HVCN1: variants seen among roughly 807,000 people sequenced by gnomAD.
HVCN1 encodes hydrogen voltage gated channel 1, also known as voltage-gated hydrogen channel 1.
A neutral mutation model predicts 29.2 loss-of-function variants in HVCN1; 14 were observed. The observed-to-expected ratio is 0.48, with a 90% CI of 0.32 to 0.75. HVCN1 has a LOEUF of 0.75. HVCN1 is among the 30% of genes least tolerant of loss of function. The pLI is 0.04. For missense variants in HVCN1, 263 were observed against 341.8 expected (o/e 0.77, Z 1.82); for synonymous variants, 131 against 133.2 (o/e 0.98, Z 0.11).
chr12:110,670,226 G>A (rs2068526949), intron 3 of HVCN1, among the ~76,000 whole-genome samples: 1 of 152,134 alleles, frequency 6.6e-6, no homozygotes, highest in Non-Finnish European at 1.5e-5. Context: ...ATTTTTACAG[G>A]CTCAGAAGCC....
Position 110,683,277 on chromosome 12 carries a change from A to C in HVCN1, c.-19-13T>G. On this transcript the variant is annotated splice_polypyrimidine_tract_variant and intron_variant, in intron 2 of 7. Transcript: ENST00000242607. ...GTTGCCTCTGGATCTGAAAAATAAA[A>C]AGACATTTGTCCAGATCTATCATCT... The C allele has an allele frequency of 6.2e-7, 1 of 1,603,854 alleles. No individual in the cohort carries two copies. The highest frequency in any genetic ancestry group is 8.5e-7 in the Non-Finnish European group (1 of 1,176,420).
chr12:110,661,449 C>T lies in HVCN1; in HGVS notation c.22-1G>A. ...CCACCTTGGCCCTGCGGGTGACTGC[C>T]TAGAAGGCGGGGACAGAGAGCAAGA... On this transcript the variant is annotated splice_acceptor_variant, in intron 3 of 7. Coordinates refer to ENST00000242607, the MANE Select transcript of HVCN1 (RefSeq NM_032369.4). LOFTEE classifies it high-confidence loss of function. This position sits in a 1 kb window ranked among gnomAD's most constrained non-coding sequence, Gnocchi z 6.2. 1 of 1,613,440 alleles carries T rather than the reference C, an allele frequency of 6.2e-7. No homozygotes were observed. The highest frequency in any genetic ancestry group is 2.2e-5 in the East Asian group (1 of 44,880).
In HVCN1 at chr12:110,661,636, A is replaced by G. The variant is rs2136299856; in HGVS notation, c.22-188T>C. 6.6e-6 allele frequency among the ~76,000 whole-genome samples: 1 copy of G among 152,284 alleles called. No individual in the cohort carries two copies. Reference sequence around the variant, plus strand: ...TTTGGAATCCAGGGTCTCAGTGTCTATGAGGCAACAGGAAACTCCTGCCCC... The same window carrying G: ...TTTGGAATCCAGGGTCTCAGTGTCTGTGAGGCAACAGGAAACTCCTGCCCC... On this transcript the variant is annotated intron_variant, in intron 3 of 7. Coordinates refer to ENST00000242607, the MANE Select transcript of HVCN1 (RefSeq NM_032369.4). The surrounding 1 kb of genome is among the most constrained non-coding windows in gnomAD (Gnocchi z 6.2).
upstream of HVCN1, among the ~76,000 whole-genome samples, chr12:110,692,172 A>G (rs146179558): frequency 6.8e-3 from 1,035 of 152,328 alleles, 1 homozygote; most frequent in Non-Finnish European, 9.3e-3. Flanking sequence ...CATCATTGCT[A>G]CTATTCAACA....
Position 110,661,633 on chromosome 12 carries a change from T to G in HVCN1, c.22-185A>C, listed in dbSNP as rs905490720. 6.6e-6 allele frequency among the ~76,000 whole-genome samples: 1 copy of G among 152,150 alleles called. No homozygotes were observed. The highest frequency in any genetic ancestry group is 1.5e-5 in the Non-Finnish European group (1 of 68,038). Reference sequence around the variant, plus strand: ...ATTTTTGGAATCCAGGGTCTCAGTGTCTATGAGGCAACAGGAAACTCCTGC... The same window carrying G: ...ATTTTTGGAATCCAGGGTCTCAGTGGCTATGAGGCAACAGGAAACTCCTGC... On this transcript the variant is annotated intron_variant, in intron 3 of 7. Transcript: ENST00000242607. The surrounding 1 kb of genome is among the most constrained non-coding windows in gnomAD (Gnocchi z 6.2).
chr12:110,697,713 C>T lies in HVCN1; in HGVS notation c.-104+4596G>A, dbSNP rs141978154. On this transcript the variant is annotated intron_variant, in intron 2 of 4. Coordinates refer to the HVCN1 transcript ENST00000546713. ...TCGCCCAGGCTGCAGTGCGGTGGCACGATCTCAGCTCACTGCAACCTCCGT... is the reference window on the plus strand; with the variant it reads ...TCGCCCAGGCTGCAGTGCGGTGGCATGATCTCAGCTCACTGCAACCTCCGT... 6.7e-3 allele frequency among the ~76,000 whole-genome samples: 1,010 copies of T among 150,036 alleles called. 1 individual carries two copies. Among genetic ancestry groups the T allele is most frequent in the Non-Finnish European group, 9.3e-3 (627 of 67,658 alleles).
intron 2 of HVCN1, among the ~76,000 whole-genome samples, chr12:110,700,473 T>A (rs1269552537): frequency 6.6e-6 from 1 of 152,064 alleles, no homozygotes; most frequent in African/African-American, 2.4e-5. Flanking sequence ...AGAGTGAGTA[T>A]CTTTTGAAGA....
intron 3 of HVCN1, among the ~76,000 whole-genome samples, chr12:110,673,708 G>A (rs2068656397): frequency 6.6e-6 from 1 of 152,222 alleles, no homozygotes; most frequent in Non-Finnish European, 1.5e-5. Context: ...TTCAGAGGGT[G>A]GAAGCCCCAA....
intron 5 of HVCN1, among the ~76,000 whole-genome samples, chr12:110,652,336 A>T (rs1329521037): frequency 1.3e-5 from 2 of 152,212 alleles, no homozygotes; most frequent in Admixed American, 6.5e-5. Flanking sequence ...GGTTGCAGTG[A>T]GCCGAGATTG....
At chr12:110,677,672 C>T (rs1456159872) in intron 3 of HVCN1, among the ~76,000 whole-genome samples, 4 of 152,182 alleles carry the variant, frequency 2.6e-5, no homozygotes, top group Admixed American at 6.5e-5. Flanking sequence ...CCAGGGGATC[C>T]GTGTTCTGAG....
At chr12:110,650,066 A>G in intron 7 of HVCN1, 102 bp downstream of exon 7, 2 of 730,896 alleles carry the variant, frequency 2.7e-6, no homozygotes, top group Non-Finnish European at 2.5e-6. Flanking sequence ...GCTGGTCTCG[A>G]ACTCCGGACC....
chr12:110,695,031 C>T (rs1181963653), intron 2 of HVCN1, among the ~76,000 whole-genome samples: 1 of 152,214 alleles, frequency 6.6e-6, no homozygotes, highest in African/African-American at 2.4e-5. Flanking sequence ...TTGAGTAAGA[C>T]AGGCAGGTCC....
At position 110,661,466 on chromosome 12, in the gene HVCN1, A is replaced by C. The variant is rs1255973485; in HGVS notation, c.22-18T>G. The C allele has an allele frequency of 1.9e-6, 3 of 1,609,904 alleles. No homozygotes were observed. Among genetic ancestry groups the C allele is most frequent in the Non-Finnish European group, 2.5e-6 (3 of 1,177,200 alleles). On this transcript the variant is annotated intron_variant, in intron 3 of 7. Transcript: ENST00000242607. This position sits in a 1 kb window ranked among gnomAD's most constrained non-coding sequence, Gnocchi z 6.2. Reference sequence around the variant, plus strand: ...GTGACTGCCTAGAAGGCGGGGACAGAGAGCAAGAGCTTCAGGCAGTTGGCC... The same window carrying C: ...GTGACTGCCTAGAAGGCGGGGACAGCGAGCAAGAGCTTCAGGCAGTTGGCC...
chr12:110,662,174 G>A (rs1260108617), intron 3 of HVCN1, among the ~76,000 whole-genome samples: 1 of 152,112 alleles, frequency 6.6e-6, no homozygotes, highest in African/African-American at 2.4e-5. Context: ...AGATGGGGTG[G>A]CCGTCCAGAC....
intron 3 of HVCN1, among the ~76,000 whole-genome samples, chr12:110,673,628 G>T (rs1206933903): frequency 6.6e-6 from 1 of 152,168 alleles, no homozygotes; most frequent in Admixed American, 6.6e-5. Context: ...TGGGCCTAGG[G>T]ACTTGGTGCC....
At chr12:110,659,916 A>G (rs890935966) in intron 4 of HVCN1, among the ~76,000 whole-genome samples, 6 of 151,794 alleles carry the variant, frequency 4.0e-5, no homozygotes, top group Non-Finnish European at 8.8e-5. Context: ...AAATACAAAA[A>G]TTAGCCAGGT....
chr12:110,683,670 G>A (rs1324824790), intron 2 of HVCN1, among the ~76,000 whole-genome samples: 1 of 152,150 alleles, frequency 6.6e-6, no homozygotes, highest in African/African-American at 2.4e-5. Flanking sequence ...AGCACTTTTG[G>A]GAGGCCAAGG....
chr12:110,683,403 A>T (rs1566061013), intron 2 of HVCN1, 139 bp from the exon 3 acceptor site: 4 of 997,980 alleles, frequency 4.0e-6, no homozygotes, highest in Non-Finnish European at 5.7e-6. Context: ...TAAAGTACAA[A>T]GTATATGTAG....
intron 1 of HVCN1, among the ~76,000 whole-genome samples, chr12:110,704,028 T>A (rs1317189148): frequency 6.6e-6 from 1 of 152,116 alleles, no homozygotes; most frequent in Non-Finnish European, 1.5e-5. Context: ...TTATTAAAAA[T>A]TTTTTGGGAC....
Sources: gnomAD v4.1 joint callset for allele counts (sites outside exome capture counted in the v4.1 genomes callset) on GRCh38, gnomAD v4.1.1 for gene constraint, Gnocchi (gnomAD v3.1) non-coding constraint, MANE v1.5 for transcripts, NCBI Gene and HGNC (gene_info 2026-07-23, HGNC 2026-07-21) for gene names.